Variants in SLC2A9 observed in about 807,000 individuals in gnomAD.
SLC2A9 encodes the protein solute carrier family 2, facilitated glucose transporter member 9.
SLC2A9 carries 39 observed loss-of-function variants against 50.6 expected under a neutral mutation model. The ratio of observed to expected loss-of-function variants is 0.77; its 90% confidence interval spans 0.60 to 1.01. SLC2A9 has a LOEUF of 1.01. SLC2A9 is among the 50% of genes least tolerant of loss of function. The pLI, the probability that SLC2A9 is intolerant of heterozygous loss-of-function variation, is 0.00. For missense variants in SLC2A9, 686 were observed against 677.6 expected (o/e 1.01, Z -0.14); for synonymous variants, 324 against 276.9 (o/e 1.17, Z -1.69).
At chr4:9,933,479 T>C (rs960705072) in intron 6 of SLC2A9, among the ~76,000 whole-genome samples, 1 of 152,222 alleles carries the variant, frequency 6.6e-6, no homozygotes, top group Non-Finnish European at 1.5e-5. Context: ...CCAGTGCCTC[T>C]CTGAAATATT....
chr4:9,816,660 A>G (rs1185149146), intron 3 of SLC2A9, among the ~76,000 whole-genome samples: 1 of 152,202 alleles, frequency 6.6e-6, no homozygotes, highest in Non-Finnish European at 1.5e-5. Context: ...TCTTAGATGT[A>G]TGCAATTTCA....
chr4:10,032,626 A>G (rs1456008892), intron 1 of SLC2A9, among the ~76,000 whole-genome samples: 1 of 152,152 alleles, frequency 6.6e-6, no homozygotes, highest in Non-Finnish European at 1.5e-5. Flanking sequence ...AGTCAAGTCT[A>G]CTAATAGTAA....
At chr4:9,819,293 C>T (rs1297087606) in intron 3 of SLC2A9, among the ~76,000 whole-genome samples, 2 of 152,098 alleles carry the variant, frequency 1.3e-5, no homozygotes, top group African/African-American at 4.8e-5. Context: ...TTTTCATTCC[C>T]ACCAGCCATC....
upstream of SLC2A9, among the ~76,000 whole-genome samples, chr4:10,023,578 A>G (rs1016360777): frequency 1.3e-5 from 2 of 152,244 alleles, no homozygotes; most frequent in Admixed American, 6.5e-5. Flanking sequence ...GGCAGTGGAC[A>G]TGAATGTGCA....
rs1210278887 is a variant in SLC2A9, at chr4:9,892,495, CA to C, written c.1114-1785del. On this transcript the variant is annotated intron_variant, in intron 8 of 11. Transcript: ENST00000264784. ...AGAGCACAGGTGACATCCAGGGGCA[CA>C]AAAGCCTGAAGATGGGCCATCTGAG... Among the ~76,000 whole-genome samples, 4 of 152,298 alleles carry C rather than the reference CA, an allele frequency of 2.6e-5. No individual in the cohort carries two copies. The East Asian group carries it at 7.7e-4, about 29-fold the overall frequency.
chr4:9,953,638 T>G (rs1750693902), intron 5 of SLC2A9, among the ~76,000 whole-genome samples: 1 of 152,200 alleles, frequency 6.6e-6, no homozygotes, highest in Admixed American at 6.5e-5. Context: ...TTGGTTGTTT[T>G]TTGAGACAGG....
intron 11 of SLC2A9, among the ~76,000 whole-genome samples, chr4:9,829,586 C>T (rs1198148703): frequency 6.6e-6 from 1 of 151,944 alleles, no homozygotes; most frequent in Admixed American, 6.6e-5. Context: ...ATACAACCTA[C>T]ACAATGAGAG....
At chr4:10,027,223 G>A (rs1763785017) in intron 1 of SLC2A9, among the ~76,000 whole-genome samples, 2 of 152,144 alleles carry the variant, frequency 1.3e-5, no homozygotes, top group South Asian at 4.1e-4. Flanking sequence ...GTTGCCCTTG[G>A]GAGTGATGGA....
intron 10 of SLC2A9, among the ~76,000 whole-genome samples, chr4:9,849,561 T>C (rs971297163): frequency 1.3e-5 from 2 of 152,168 alleles, no homozygotes; most frequent in East Asian, 3.8e-4. Flanking sequence ...TTTAGTTGAA[T>C]CAATAGGCTT....
intron 6 of SLC2A9, among the ~76,000 whole-genome samples, chr4:9,936,681 G>T (rs1747142408): frequency 6.6e-6 from 1 of 152,180 alleles, no homozygotes. Context: ...ACATGCTAGA[G>T]GGAGGAGAAA....
chr4:9,989,369 C>T (rs1217229374), intron 3 of SLC2A9, among the ~76,000 whole-genome samples: 1 of 152,172 alleles, frequency 6.6e-6, no homozygotes, highest in Non-Finnish European at 1.5e-5. Flanking sequence ...ATTCCTGGTC[C>T]ATCCAACACC....
In SLC2A9 at chr4:9,841,421, T is replaced by G. The variant is rs188609738; in HGVS notation, c.1292-6413A>C. The stretch of plus-strand genomic sequence containing the variant: ...CTTTGTTCTAGTTTCCCAGGTTGGC[T>G]CTTTCCCTGTGCATTGTCCTCCATT... On this transcript the variant is annotated intron_variant, in intron 10 of 11. Transcript: ENST00000264784. Among the ~76,000 whole-genome samples the G allele has an allele frequency of 4.6e-5, 7 of 152,306 alleles. No individual in the cohort carries two copies. In the East Asian group the frequency reaches 1.4e-3, roughly 29 times the overall value.
At chr4:9,983,866 G>A (rs528007142) in intron 4 of SLC2A9, among the ~76,000 whole-genome samples, 84 of 152,252 alleles carry the variant, frequency 5.5e-4, no homozygotes, top group African/African-American at 2.0e-3. Flanking sequence ...ATTAATGGAA[G>A]CAAGTGAGAG....
intron 3 of SLC2A9, among the ~76,000 whole-genome samples, chr4:9,808,243 C>A (rs1358484666): frequency 1.3e-5 from 2 of 152,200 alleles, no homozygotes; most frequent in African/African-American, 4.8e-5. Flanking sequence ...AAACTTGTTT[C>A]CATTTTGATG....
intron 10 of SLC2A9, among the ~76,000 whole-genome samples, chr4:9,848,729 T>A (rs1035733219): frequency 6.8e-6 from 1 of 148,092 alleles, no homozygotes; most frequent in Non-Finnish European, 1.5e-5. Flanking sequence ...AGACCGAGTC[T>A]CACTCTGTCA....
At chr4:9,783,552 G>C (rs1718817917) in intron 3 of SLC2A9, 1 of 1,223,020 alleles carries the variant, frequency 8.2e-7, no homozygotes, top group Non-Finnish European at 1.1e-6. Flanking sequence ...CCTTTCCAGT[G>C]CTGCTCCCTT....
At chr4:9,796,330 C>T (rs1041147527), downstream of SLC2A9, among the ~76,000 whole-genome samples, 1 of 152,180 alleles carries the variant, frequency 6.6e-6, no homozygotes, top group Non-Finnish European at 1.5e-5. Flanking sequence ...TCTCCACAGC[C>T]CTATCTTTCT....
intron 5 of SLC2A9, among the ~76,000 whole-genome samples, chr4:9,965,912 A>AT (rs959921904): frequency 1.3e-5 from 2 of 152,104 alleles, no homozygotes; most frequent in Admixed American, 6.5e-5. Context: ...TATTCAAAGC[A>AT]TTTTTTTCCC....
intron 5 of SLC2A9, among the ~76,000 whole-genome samples, chr4:9,951,289 A>G (rs540318607): frequency 6.7e-6 from 1 of 149,892 alleles, no homozygotes; most frequent in Non-Finnish European, 1.5e-5. Flanking sequence ...AAGCTAAAAA[A>G]TTTGATCATA....
Sources: gnomAD v4.1 joint callset for allele counts (sites outside exome capture counted in the v4.1 genomes callset) on GRCh38, gnomAD v4.1.1 for gene constraint, MANE v1.5 for transcripts, NCBI Gene and HGNC (gene_info 2026-07-23, HGNC 2026-07-21) for gene names.